The following CFAP69 variants were observed in gnomAD, a reference collection of about 807,000 sequenced individuals.
CFAP69 encodes the protein cilia- and flagella-associated protein 69.
CFAP69 carries 92 observed loss-of-function variants against 123.0 expected under a neutral mutation model. The observed-to-expected ratio is 0.75, with a 90% CI of 0.63 to 0.89. The LOEUF is 0.89. Among genes scored for constraint, CFAP69 ranks in the 40% least tolerant of loss-of-function variants. The pLI is 0.00. For synonymous variants in CFAP69, 380 were observed against 364.3 expected (o/e 1.04, Z -0.49); for missense variants, 1,067 against 1,096.9 (o/e 0.97, Z 0.39).
At chr7:90,260,026 C>G (rs184071205) in intron 3 of CFAP69, among the ~76,000 whole-genome samples, 202 of 152,240 alleles carry the variant, frequency 1.3e-3, no homozygotes, top group African/African-American at 4.5e-3. Context: ...CCCAGGATGG[C>G]TTGGAATGCA....
intron 12 of CFAP69, among the ~76,000 whole-genome samples, chr7:90,280,603 A>G (rs897735554): frequency 4.6e-5 from 7 of 152,248 alleles, no homozygotes; most frequent in African/African-American, 1.7e-4. Flanking sequence ...AGTTAGGCTT[A>G]AAATAAATAT....
chr7:90,251,399 G>A lies in CFAP69; in HGVS notation c.121-4024G>A, dbSNP rs146750271. Among the ~76,000 whole-genome samples the A allele has an allele frequency of 2.2e-4, 33 of 152,290 alleles. No individual in the cohort carries two copies. The East Asian group carries it at 6.2e-3, about 29-fold the overall frequency. Reference sequence around the variant, plus strand: ...TTTGGCTTTCTCTGGTTGGTCTTAAGTTGGAAGCAGAGGGACAAAAACCGG... The same window carrying A: ...TTTGGCTTTCTCTGGTTGGTCTTAAATTGGAAGCAGAGGGACAAAAACCGG... On this transcript the variant is annotated intron_variant, in intron 1 of 22. Transcript: ENST00000389297.
At chr7:90,312,246 C>A (rs774313576), downstream of CFAP69, among the ~76,000 whole-genome samples, 1 of 152,172 alleles carries the variant, frequency 6.6e-6, no homozygotes, top group Non-Finnish European at 1.5e-5. Flanking sequence ...AAGTAATGCT[C>A]AACACAGACA....
At position 90,304,047 on chromosome 7, in the gene CFAP69, C is replaced by T. The variant is rs370760722; in HGVS notation, c.2129C>T (p.Ala710Val). The part of the protein sequence containing the change: ...IPLPANCPSI[A>V]VMDVSENIRA... ...CTGCCTGCTAACTGCCCATCTATTG[C>T]GGTTATGGATGTTTCTGAGAATATT... Residue 710 changes from alanine to valine, a missense_variant, in exon 18 of 23, where the codon GCG becomes GTG. By Grantham distance (64) the Ala-to-Val change is moderately conservative (BLOSUM62 0). Coordinates refer to ENST00000389297, the MANE Select transcript of CFAP69 (RefSeq NM_001039706.3). The T allele has an allele frequency of 3.9e-5, 60 of 1,550,872 alleles. 1 individual carries two copies. In the East Asian group the frequency reaches 4.2e-4, roughly 11 times the overall value.
In CFAP69 at chr7:90,310,152, A is replaced by C. The variant is rs1794166086; in HGVS notation, c.2740A>C (p.Lys914Gln). Residue 914 changes from lysine to glutamine, a missense_variant, in exon 23 of 23, where the codon AAA becomes CAA. Lys to Gln is a moderately conservative substitution (Grantham distance 53, BLOSUM62 1). Transcript: ENST00000389297. The part of the protein sequence containing the change: ...GPLVDTDIAL[K>Q]KLPIRGGALQ... Reference sequence around the variant, plus strand: ...TCTGGTTGATACGGATATTGCTCTTAAAAAACTGCCCATTCGAGGAGGAGC... The same window carrying C: ...TCTGGTTGATACGGATATTGCTCTTCAAAAACTGCCCATTCGAGGAGGAGC... 1 of 1,613,986 alleles carries C rather than the reference A, an allele frequency of 6.2e-7. No individual in the cohort carries two copies. The highest frequency in any genetic ancestry group is 8.5e-7 in the Non-Finnish European group (1 of 1,179,892).
In CFAP69 at chr7:90,310,047, A is replaced by G. The variant is rs373298771; in HGVS notation, c.2656-21A>G. The G allele has an allele frequency of 7.0e-5, 112 of 1,594,422 alleles. No individual in the cohort carries two copies. The African/African-American group carries it at 8.0e-4, about 11-fold the overall frequency. On this transcript the variant is annotated intron_variant, in intron 22 of 22. Coordinates refer to ENST00000389297, the MANE Select transcript of CFAP69 (RefSeq NM_001039706.3). ...AAATTGTGTAAATGGACTTTTAGAT[A>G]TTTACCTTTTGCCTTTTTAGGTGCC...
chr7:90,252,153 C>T (rs977049608), intron 1 of CFAP69: 19 of 143,956 alleles, frequency 1.3e-4, no homozygotes, highest in South Asian at 6.6e-4. Context: ...TGTGCATGCG[C>T]GTATAAAATC....
chr7:90,275,638 G>C (rs964083140), intron 9 of CFAP69, among the ~76,000 whole-genome samples: 5 of 106,802 alleles, frequency 4.7e-5, no homozygotes, highest in Admixed American at 1.5e-4. Context: ...ATCTTGCTCT[G>C]TCGCCCAGGC....
At chr7:90,292,567 G>T (rs1318182958) in intron 15 of CFAP69, among the ~76,000 whole-genome samples, 1 of 152,076 alleles carries the variant, frequency 6.6e-6, no homozygotes, top group Non-Finnish European at 1.5e-5. Flanking sequence ...CATAAATTAA[G>T]AACACTCACG....
chr7:90,245,393 T>TC lies in CFAP69; in HGVS notation c.-26dup, dbSNP rs1163612445. 4.6e-6 allele frequency: 7 copies of TC among 1,510,222 alleles called. No homozygotes were observed. The East Asian group carries it at 1.1e-4, about 23-fold the overall frequency. 93.6% of individuals were successfully genotyped at this position (1,510,222 alleles called of 1,614,324 possible). A position where few individuals can be genotyped will look rare whatever the true frequency, so the allele number is the denominator to read the frequency against. ...GCGGGCGCACTGTAGGACAGGAAGA[T>TC]CCCCCCACTCTCCACCCCGCCGCCA... is the stretch of plus-strand genomic sequence containing the variant. On this transcript the variant is annotated 5_prime_UTR_variant, in exon 1 of 23. Transcript: ENST00000389297.
chr7:90,310,086 G>C lies in CFAP69; in HGVS notation c.2674G>C (p.Val892Leu), dbSNP rs1794154136. 3 of 1,611,362 alleles carry C rather than the reference G, an allele frequency of 1.9e-6. No individual in the cohort carries two copies. The African/African-American group carries it at 4.0e-5, about 21-fold the overall frequency. Residue 892 changes from valine to leucine, a missense_variant, in exon 23 of 23, where the codon GTA becomes CTA. Physicochemically the swap from Val to Leu is conservative, Grantham distance 32 (BLOSUM62 1). Transcript: ENST00000389297. Reference sequence around the variant, plus strand: ...TTTTTAGGTGCCCTCTGGTGGAGTAGTAACAGTGGAAAGCACTCCTGCCCG... The same window carrying C: ...TTTTTAGGTGCCCTCTGGTGGAGTACTAACAGTGGAAAGCACTCCTGCCCG... ...LNTTVPSGGV[V>L]TVESTPARLV...
intron 18 of CFAP69, chr7:90,304,409 T>A: frequency 8.4e-7 from 1 of 1,187,568 alleles, no homozygotes; most frequent in African/African-American, 1.6e-5. Flanking sequence ...TCACTTGAGT[T>A]TTTTTTTTTA....
intron 17 of CFAP69, chr7:90,303,473 G>C: frequency 1.4e-6 from 1 of 713,464 alleles, no homozygotes; most frequent in Non-Finnish European, 1.7e-6. Flanking sequence ...ATTATTTTTA[G>C]ATATGTTTCC....
Position 90,268,402 on chromosome 7 carries a change from C to G in CFAP69, c.532+18C>G, listed in dbSNP as rs778034979. On this transcript the variant is annotated intron_variant, in intron 6 of 22. Coordinates refer to ENST00000389297, the MANE Select transcript of CFAP69 (RefSeq NM_001039706.3). ...TATTCCAGGTGAAGTTTACAATGGT[C>G]TTTCAGTGATAACTTGTGTATGTAG... 1 of 1,521,566 alleles carries G rather than the reference C, an allele frequency of 6.6e-7. No individual in the cohort carries two copies. The highest frequency in any genetic ancestry group is 1.4e-5 in the African/African-American group (1 of 72,960). 94.3% of individuals were successfully genotyped at this position (1,521,566 alleles called of 1,614,324 possible).
chr7:90,286,219 T>C lies in CFAP69; in HGVS notation c.1538-62T>C, dbSNP rs546083625. On this transcript the variant is annotated intron_variant, in intron 13 of 22. Transcript: ENST00000389297. Reference sequence around the variant, plus strand: ...CTTTTTAGAAGAGATTTCCAAACAGTAATTGATCAAAATAAAAGTAGTGTC... The same window carrying C: ...CTTTTTAGAAGAGATTTCCAAACAGCAATTGATCAAAATAAAAGTAGTGTC... 1.0e-4 allele frequency: 137 copies of C among 1,368,716 alleles called. 2 individuals are homozygous for C. In the South Asian group the frequency reaches 2.0e-3, roughly 20 times the overall value. 84.8% of individuals were successfully genotyped at this position (1,368,716 alleles called of 1,614,324 possible).
chr7:90,250,826 C>T (rs1315396376), intron 1 of CFAP69, among the ~76,000 whole-genome samples: 1 of 152,152 alleles, frequency 6.6e-6, no homozygotes, highest in East Asian at 1.9e-4. Context: ...AAACCTCTTC[C>T]TCCAGCATTC....
intron 11 of CFAP69, 75 bp from the exon 12 acceptor site, chr7:90,279,602 G>A (rs1413226716): frequency 3.5e-6 from 3 of 863,606 alleles, no homozygotes; most frequent in Non-Finnish European, 3.4e-6. Context: ...ACATCAAAAT[G>A]TAAATTTTTA....
Position 90,309,293 on chromosome 7 carries a change from G to A in CFAP69, c.2581G>A (p.Glu861Lys), listed in dbSNP as rs1394962564. 1.6e-5 allele frequency: 25 copies of A among 1,574,994 alleles called. No individual in the cohort carries two copies. Among genetic ancestry groups the A allele is most frequent in the Non-Finnish European group, 2.0e-5 (23 of 1,162,210 alleles). Residue 861 changes from glutamate (E) to lysine (K), a missense_variant, in exon 22 of 23, where the codon GAA becomes AAA. Coordinates refer to ENST00000389297, the MANE Select transcript of CFAP69 (RefSeq NM_001039706.3). ...AAAAAGCCTTCAAGAAAAAGCTATA[G>A]AAGCCTCCAGATACCATAAACGACC... ...KAKSLQEKAI[E>K]ASRYHKRPQN...
intron 15 of CFAP69, among the ~76,000 whole-genome samples, chr7:90,292,942 T>A (rs1471674083): frequency 6.6e-6 from 1 of 152,166 alleles, no homozygotes; most frequent in Non-Finnish European, 1.5e-5. Context: ...AACGACCTTT[T>A]GAAGAGGATC....
Sources: gnomAD v4.1 joint callset for allele counts (sites outside exome capture counted in the v4.1 genomes callset) on GRCh38, gnomAD v4.1.1 for gene constraint, MANE v1.5 for transcripts, NCBI Gene and HGNC (gene_info 2026-07-23, HGNC 2026-07-21) for gene names.